CXCL13: variants seen among roughly 807,000 people sequenced by gnomAD.
CXCL13 encodes the protein C-X-C motif chemokine ligand 13.
In CXCL13, 7 loss-of-function variants were observed where a neutral mutation model predicts 12.2. That is an observed-to-expected ratio of 0.57 (90% CI 0.33 to 1.07). The LOEUF (loss-of-function observed/expected upper bound fraction) is 1.07, where lower values mean the gene tolerates loss of function less well. Ranked by LOEUF, CXCL13 falls within the 50% of genes least tolerant of loss-of-function variation. The probability of loss-of-function intolerance (pLI) is 0.04; values close to 1 mark genes in which losing one functional copy is unlikely to be tolerated. For synonymous variants in CXCL13, 47 were observed against 42.4 expected, an observed-to-expected ratio of 1.11 and a Z score of -0.42; for missense variants, 113 against 127.4, an observed-to-expected ratio of 0.89 and a Z score of 0.55.
chr4:77,521,490 T>A (rs1376028971), intron 1 of CXCL13, among the ~76,000 whole-genome samples: 3 of 152,244 alleles, frequency 2.0e-5, no homozygotes, highest in Admixed American at 2.0e-4. Flanking sequence ...CTAAGTTTTC[T>A]GGTTTATTTG....
At chr4:77,591,420 A>G (rs930846129) in intron 1 of CXCL13, among the ~76,000 whole-genome samples, 4 of 151,780 alleles carry the variant, frequency 2.6e-5, no homozygotes, top group Admixed American at 2.6e-4. Flanking sequence ...GCGTGGTGGC[A>G]GGCACCAGTA....
At chr4:77,527,920 C>T (rs933277700) in intron 1 of CXCL13, among the ~76,000 whole-genome samples, 1 of 151,986 alleles carries the variant, frequency 6.6e-6, no homozygotes, top group African/African-American at 2.4e-5. Context: ...CTAATGCTAT[C>T]CCTCCCCTAT....
chr4:77,545,117 G>T (rs1042867427), intron 1 of CXCL13, among the ~76,000 whole-genome samples: 3 of 151,406 alleles, frequency 2.0e-5, no homozygotes, highest in Non-Finnish European at 2.9e-5. Context: ...TCTCTGTTTT[G>T]GTAATAGTAC....
intron 1 of CXCL13, among the ~76,000 whole-genome samples, chr4:77,566,810 G>C (rs1578057107): frequency 1.3e-5 from 2 of 152,150 alleles, no homozygotes; most frequent in South Asian, 4.1e-4. Flanking sequence ...ACAACCTTAA[G>C]AATGGTTTTA....
chr4:77,543,783 A>G (rs570211546), intron 1 of CXCL13, among the ~76,000 whole-genome samples: 2 of 152,174 alleles, frequency 1.3e-5, no homozygotes, highest in South Asian at 4.2e-4. Context: ...TTTCTAGGGC[A>G]CATGTGCACA....
intron 1 of CXCL13, among the ~76,000 whole-genome samples, chr4:77,581,426 C>T (rs905229107): frequency 1.3e-5 from 2 of 152,136 alleles, no homozygotes; most frequent in African/African-American, 4.8e-5. Context: ...CCACAAAAAT[C>T]CAGCTTTTTG....
intron 1 of CXCL13, among the ~76,000 whole-genome samples, chr4:77,595,643 C>T (rs1726732480): frequency 6.6e-6 from 1 of 152,028 alleles, no homozygotes; most frequent in Middle Eastern, 3.2e-3. Flanking sequence ...TAACTTTGTC[C>T]TACTTGCCTA....
chr4:77,605,233 T>C (rs1726973567), upstream of CXCL13, among the ~76,000 whole-genome samples: 2 of 152,148 alleles, frequency 1.3e-5, no homozygotes, highest in East Asian at 3.8e-4. Context: ...CTTCTAAGAA[T>C]TCCATGATGG....
chr4:77,573,973 G>A (rs1477563840), intron 1 of CXCL13, among the ~76,000 whole-genome samples: 1 of 151,924 alleles, frequency 6.6e-6, no homozygotes, highest in Non-Finnish European at 1.5e-5. Flanking sequence ...ATAACCTTAA[G>A]GCTTATTGGC....
At chr4:77,519,278 A>T (rs1724513236) in intron 1 of CXCL13, among the ~76,000 whole-genome samples, 1 of 152,182 alleles carries the variant, frequency 6.6e-6, no homozygotes, top group South Asian at 2.1e-4. Context: ...GCCCGTTCTC[A>T]GATCTCCAGC....
intron 1 of CXCL13, among the ~76,000 whole-genome samples, chr4:77,584,063 G>T (rs1726396950): frequency 6.6e-6 from 1 of 152,174 alleles, no homozygotes; most frequent in Non-Finnish European, 1.5e-5. Flanking sequence ...AAATGAAGGG[G>T]CAACAGGAGT....
At chr4:77,529,539 C>T (rs1724852196) in intron 1 of CXCL13, among the ~76,000 whole-genome samples, 1 of 152,148 alleles carries the variant, frequency 6.6e-6, no homozygotes. Context: ...CTCTTTGAAG[C>T]AATTGTGAAT....
intron 1 of CXCL13, among the ~76,000 whole-genome samples, chr4:77,555,104 A>G (rs1725630847): frequency 6.6e-6 from 1 of 151,990 alleles, no homozygotes. Context: ...ATGAAATTTG[A>G]AAATATTTAA....
At chr4:77,604,612 T>C (rs921373322), upstream of CXCL13, among the ~76,000 whole-genome samples, 6 of 151,810 alleles carry the variant, frequency 4.0e-5, no homozygotes, top group Admixed American at 1.3e-4. Context: ...TCGTAACAAC[T>C]AGAAGTGCCA....
intron 1 of CXCL13, among the ~76,000 whole-genome samples, chr4:77,528,143 T>C (rs868044774): frequency 6.6e-6 from 1 of 152,198 alleles, no homozygotes; most frequent in Non-Finnish European, 1.5e-5. Flanking sequence ...TATTCCATGG[T>C]GTATATGTGC....
At chr4:77,569,268 A>C (rs1257637797) in intron 1 of CXCL13, among the ~76,000 whole-genome samples, 19 of 152,236 alleles carry the variant, frequency 1.2e-4, no homozygotes, top group Admixed American at 1.2e-3. Flanking sequence ...TGGCCAGAGC[A>C]ATCAGGCAAG....
chr4:77,536,472 A>G (rs1725060873), intron 1 of CXCL13, among the ~76,000 whole-genome samples: 1 of 152,188 alleles, frequency 6.6e-6, no homozygotes, highest in Non-Finnish European at 1.5e-5. Context: ...TGGCTCTGCT[A>G]CCAACCAGCT....
chr4:77,535,809 T>C (rs1358910456), intron 1 of CXCL13, among the ~76,000 whole-genome samples: 3 of 152,134 alleles, frequency 2.0e-5, no homozygotes, highest in Non-Finnish European at 4.4e-5. Context: ...TTTAGATAAC[T>C]TCAGCTCCCA....
chr4:77,514,679 T>G (rs1336598378), intron 1 of CXCL13, among the ~76,000 whole-genome samples: 1 of 151,772 alleles, frequency 6.6e-6, no homozygotes, highest in Non-Finnish European at 1.5e-5. Flanking sequence ...TAAATTTGTT[T>G]GAGTTCATTG....
Sources: allele counts gnomAD v4.1 joint callset (sites outside exome capture counted in the v4.1 genomes callset), GRCh38; gene constraint gnomAD v4.1.1; transcripts MANE v1.5; gene names NCBI Gene and HGNC (gene_info 2026-07-23, HGNC 2026-07-21).